The following KAZN variants were observed in gnomAD, a reference collection of about 807,000 sequenced individuals.
The protein encoded by KAZN is kazrin, periplakin interacting protein.
KAZN carries 40 observed loss-of-function variants against 87.4 expected under a neutral mutation model. The observed-to-expected ratio is 0.46, with a 90% CI of 0.36 to 0.60. The LOEUF (loss-of-function observed/expected upper bound fraction) is 0.60. KAZN is among the 20% of genes least tolerant of loss of function. The pLI is 0.00. For missense variants in KAZN, 898 were observed against 1,073.9 expected (o/e 0.84, Z 2.29); for synonymous variants, 466 against 458.3 (o/e 1.02, Z -0.22).
intron 1 of KAZN, among the ~76,000 whole-genome samples, chr1:14,911,463 C>T (rs1025696170): frequency 2.6e-5 from 4 of 152,224 alleles, no homozygotes; most frequent in East Asian, 3.8e-4. Context: ...CAGGGAAACG[C>T]TGGCTCCACC....
At chr1:13,962,606 G>A (rs57735953) in intron 1 of KAZN, among the ~76,000 whole-genome samples, 3,428 of 152,260 alleles carry the variant, frequency 0.023, 58 homozygotes, top group South Asian at 0.061. Flanking sequence ...CACCCAGGCT[G>A]GAGTGCAGTG....
intron 5 of KAZN, among the ~76,000 whole-genome samples, chr1:15,059,522 G>A (rs887208341): frequency 6.6e-6 from 1 of 152,210 alleles, no homozygotes; most frequent in Non-Finnish European, 1.5e-5. Context: ...GCTCTGGTGT[G>A]TAGAGTGGAG....
At chr1:14,819,706 C>CTTTTTTT (rs775752838) in intron 1 of KAZN, among the ~76,000 whole-genome samples, 4 of 117,532 alleles carry the variant, frequency 3.4e-5, no homozygotes, top group Non-Finnish European at 5.1e-5. Context: ...GAAAAAAAAT[C>CTTTTTTT]TTTTTTTTTT....
intron 1 of KAZN, among the ~76,000 whole-genome samples, chr1:14,046,151 G>C (rs1642063229): frequency 1.3e-5 from 2 of 152,092 alleles, no homozygotes; most frequent in African/African-American, 2.4e-5. Flanking sequence ...ATGGATGGTG[G>C]GTTCACCTAA....
intron 1 of KAZN, among the ~76,000 whole-genome samples, chr1:13,979,046 T>A (rs1402475388): frequency 6.6e-6 from 1 of 151,342 alleles, no homozygotes; most frequent in East Asian, 1.9e-4. Flanking sequence ...CAGTGAGCCG[T>A]GATTGCACCA....
At chr1:14,316,946 C>T (rs1655696134) in intron 2 of KAZN, among the ~76,000 whole-genome samples, 1 of 151,276 alleles carries the variant, frequency 6.6e-6, no homozygotes. Flanking sequence ...GTTTGGGGGC[C>T]CAGAATATGA....
At chr1:14,310,538 A>G (rs536448330) in intron 2 of KAZN, among the ~76,000 whole-genome samples, 1 of 152,306 alleles carries the variant, frequency 6.6e-6, no homozygotes, top group Admixed American at 6.5e-5. Context: ...GATTTTTAAA[A>G]TGGTCTCAAT....
At chr1:14,185,352 C>T (rs1646281590) in intron 2 of KAZN, among the ~76,000 whole-genome samples, 1 of 152,164 alleles carries the variant, frequency 6.6e-6, no homozygotes, top group African/African-American at 2.4e-5. Flanking sequence ...AGCTTTCCAC[C>T]TTGTAAAAGT....
In KAZN at chr1:14,342,148, CA is replaced by C. The variant is rs1459297975; in HGVS notation, c.249+161559del. ...GCTTCTAGCTCCATCCATGTCCCTG[CA>C]AAGGACATAATCTCGTTCTTTTTTG... On this transcript the variant is annotated intron_variant, in intron 2 of 16. Transcript: ENST00000636203. 2.6e-5 allele frequency among the ~76,000 whole-genome samples: 4 copies of C among 152,180 alleles called. No homozygotes were observed. The East Asian group carries it at 7.7e-4, about 29-fold the overall frequency.
At chr1:14,309,139 T>C (rs1655118196) in intron 2 of KAZN, among the ~76,000 whole-genome samples, 1 of 152,110 alleles carries the variant, frequency 6.6e-6, no homozygotes, top group Non-Finnish European at 1.5e-5. Context: ...GTTTCAGGAA[T>C]CTCAGAACAA....
chr1:15,064,441 G>A (rs1257042196), intron 7 of KAZN, among the ~76,000 whole-genome samples: 1 of 152,196 alleles, frequency 6.6e-6, no homozygotes, highest in Non-Finnish European at 1.5e-5. Flanking sequence ...GGTTACGCAT[G>A]ATGCCACCAC....
At chr1:14,787,015 A>G (rs1041880767) in intron 1 of KAZN, among the ~76,000 whole-genome samples, 1 of 152,182 alleles carries the variant, frequency 6.6e-6, no homozygotes, top group African/African-American at 2.4e-5. Context: ...AAACATCTTT[A>G]GACTTAGACT....
chr1:14,723,673 C>A (rs537849678), intron 1 of KAZN, among the ~76,000 whole-genome samples: 3 of 152,314 alleles, frequency 2.0e-5, no homozygotes, highest in East Asian at 3.9e-4. Context: ...CCTTTTCCAC[C>A]CGAGTGCTCC....
chr1:14,007,519 G>T (rs181787949), intron 1 of KAZN, among the ~76,000 whole-genome samples: 4 of 152,316 alleles, frequency 2.6e-5, no homozygotes, highest in African/African-American at 7.2e-5. Context: ...AGGTCAGGCA[G>T]ATCAGTAACC....
intron 1 of KAZN, among the ~76,000 whole-genome samples, chr1:14,712,436 G>A (rs1266423960): frequency 6.6e-6 from 1 of 152,166 alleles, no homozygotes. Context: ...TCAGGTTGAT[G>A]CCAACAATGC....
upstream of KAZN, among the ~76,000 whole-genome samples, chr1:14,598,044 A>G (rs1409297359): frequency 1.3e-5 from 2 of 152,212 alleles, no homozygotes; most frequent in Non-Finnish European, 2.9e-5. The surrounding 1 kb of genome is among the most constrained non-coding windows in gnomAD (Gnocchi z 4.2). Context: ...CAGCCCGGCT[A>G]AGAAGCTTAG....
intron 2 of KAZN, among the ~76,000 whole-genome samples, chr1:14,517,636 A>G (rs1180852149): frequency 6.6e-6 from 1 of 152,164 alleles, no homozygotes; most frequent in African/African-American, 2.4e-5. Flanking sequence ...CATGAGAAAC[A>G]CCTTAGAGCA....
chr1:15,097,796 C>T (rs562417546), intron 10 of KAZN, among the ~76,000 whole-genome samples: 80 of 152,134 alleles, frequency 5.3e-4, no homozygotes, highest in African/African-American at 1.7e-3. Context: ...CCAGCCCGGG[C>T]GACAAGAATG....
chr1:14,041,843 T>C (rs1405262600), intron 1 of KAZN, among the ~76,000 whole-genome samples: 2 of 152,196 alleles, frequency 1.3e-5, no homozygotes, highest in African/African-American at 4.8e-5. Flanking sequence ...CCCCAATGGA[T>C]AGTTTGGCTG....
Sources: gnomAD v4.1 joint callset for allele counts (sites outside exome capture counted in the v4.1 genomes callset) on GRCh38, gnomAD v4.1.1 for gene constraint, Gnocchi (gnomAD v3.1) non-coding constraint, MANE v1.5 for transcripts, NCBI Gene and HGNC (gene_info 2026-07-23, HGNC 2026-07-21) for gene names.